Variants in PBRM1 observed in about 807,000 individuals in gnomAD.
PBRM1 encodes polybromo 1, also known as protein polybromo-1.
PBRM1 carries 27 observed loss-of-function variants against 194.5 expected under a neutral mutation model. The observed-to-expected ratio is 0.14, with a 90% confidence interval of 0.10 to 0.19. PBRM1 has a LOEUF of 0.19. Ranked by LOEUF, PBRM1 falls within the 10% of genes least tolerant of loss-of-function variation. PBRM1 has a pLI of 1.00. For synonymous variants in PBRM1, 655 were observed against 693.2 expected (o/e 0.94, Z 0.87); for missense variants, 1,466 against 2,077.2 (o/e 0.71, Z 5.72).
Position 52,599,923 on chromosome 3 carries a change from T to G in PBRM1, c.2779+3598A>C, listed in dbSNP as rs544716439. On this transcript the variant is annotated intron_variant, in intron 17 of 29. Transcript: ENST00000296302. ...TAACATTTCATGGATGTATTATTTT[T>G]AAATACATTTTAAAATTGTGATAAA... Among the ~76,000 whole-genome samples the G allele has an allele frequency of 7.3e-4, 111 of 152,276 alleles. 1 individual carries two copies. The highest frequency in any genetic ancestry group is 2.3e-3 in the African/African-American group (94 of 41,580).
At chr3:52,642,495 A>G (rs2096130517) in intron 9 of PBRM1, among the ~76,000 whole-genome samples, 1 of 151,768 alleles carries the variant, frequency 6.6e-6, no homozygotes, top group South Asian at 2.1e-4. Context: ...AGGCACCTGT[A>G]ATCCCAGCTA....
chr3:52,564,056 T>A, exon 23 of PBRM1: 1 of 1,603,494 alleles, frequency 6.2e-7, no homozygotes. Context: ...TTACCTGAAG[T>A]AGTAAATTTC....
chr3:52,547,835 G>A, downstream of PBRM1: 2 of 424,970 alleles, frequency 4.7e-6, no homozygotes, highest in East Asian at 4.3e-5. Context: ...TTAAACGAAG[G>A]AAACATATGC....
exon 24 of PBRM1, chr3:52,563,284 T>A (rs770598673): frequency 3.7e-6 from 6 of 1,611,504 alleles, no homozygotes; most frequent in Non-Finnish European, 5.1e-6. Flanking sequence ...CACCTTCACC[T>A]GTGGGGGTGT....
intron 10 of PBRM1, among the ~76,000 whole-genome samples, chr3:52,639,511 G>C (rs2095984369): frequency 6.6e-6 from 1 of 151,640 alleles, no homozygotes; most frequent in Non-Finnish European, 1.5e-5. Context: ...AACCTCCCAG[G>C]CTCAAGTGAT....
At chr3:52,571,959 G>T (rs373253888) in intron 22 of PBRM1, among the ~76,000 whole-genome samples, 1 of 149,178 alleles carries the variant, frequency 6.7e-6, no homozygotes, top group Non-Finnish European at 1.5e-5. Context: ...GATTGCTTGC[G>T]CCCAGGAGTT....
chr3:52,601,770 G>A (rs59789322), intron 17 of PBRM1, among the ~76,000 whole-genome samples: 5,843 of 152,242 alleles, frequency 0.038, 380 homozygotes, highest in African/African-American at 0.13. Flanking sequence ...AATGGCAGCA[G>A]TGGATCGAGC....
At chr3:52,612,496 G>A (rs1361426447) in intron 15 of PBRM1, among the ~76,000 whole-genome samples, 1 of 152,090 alleles carries the variant, frequency 6.6e-6, no homozygotes, top group African/African-American at 2.4e-5. Flanking sequence ...AAGGAAGCAA[G>A]CCTGTCTAAC....
chr3:52,591,511 G>GTTT lies in PBRM1; in HGVS notation c.2780-2259_2780-2257dup, dbSNP rs57736913. ...TTGAGATAATGTAGTTTTTGTCTTTGTTTTTTTTTTTTTTTTTTTTTTTTT... is the reference window on the plus strand; with the variant it reads ...TTGAGATAATGTAGTTTTTGTCTTTGTTTTTTTTTTTTTTTTTTTTTTTTTTTT... On this transcript the variant is annotated intron_variant, in intron 17 of 29. Coordinates refer to ENST00000296302, the Ensembl canonical transcript of PBRM1. Among the ~76,000 whole-genome samples, 635 of 71,876 alleles carry GTTT rather than the reference G, an allele frequency of 8.8e-3. 4 individuals carry two copies. The highest frequency in any genetic ancestry group is 0.013 in the East Asian group (28 of 2,084). The allele number at this position is 71,876 out of a possible 152,430, so 47.2% of individuals were successfully genotyped here. A position where few individuals can be genotyped will look rare whatever the true frequency, so the allele number is the denominator to read the frequency against.
Position 52,624,894 on chromosome 3 carries a change from C to T in PBRM1, c.1541+2379G>A, listed in dbSNP as rs1316931805. 25 of 1,538,368 alleles carry T rather than the reference C, an allele frequency of 1.6e-5. No homozygotes were observed. Among genetic ancestry groups the T allele is most frequent in the Non-Finnish European group, 2.1e-5 (24 of 1,136,040 alleles). ...TGTTTATGCATAAAAAAGGACTGCACACCTGGATAGCCTCCTGAGACCCAA... is the reference window on the plus strand; with the variant it reads ...TGTTTATGCATAAAAAAGGACTGCATACCTGGATAGCCTCCTGAGACCCAA... On this transcript the variant is annotated intron_variant, in intron 13 of 29. Transcript: ENST00000296302.
At chr3:52,570,094 C>T (rs990592117) in intron 22 of PBRM1, among the ~76,000 whole-genome samples, 8 of 152,320 alleles carry the variant, frequency 5.3e-5, no homozygotes, top group Non-Finnish European at 1.0e-4. Context: ...GCCTCAGCCT[C>T]CCCAGTAGCT....
chr3:52,573,500 G>A (rs1158571487), intron 22 of PBRM1, among the ~76,000 whole-genome samples: 1 of 152,106 alleles, frequency 6.6e-6, no homozygotes, highest in East Asian at 1.9e-4. Context: ...CACCACGTTG[G>A]CCAGGCTGGT....
chr3:52,645,330 CTT>C (rs556861073), intron 7 of PBRM1, among the ~76,000 whole-genome samples: 17 of 141,186 alleles, frequency 1.2e-4, no homozygotes, highest in Middle Eastern at 3.6e-3. Context: ...TTCTTTCTTT[CTT>C]TTTTTTTTTT....
At chr3:52,571,044 G>C in intron 22 of PBRM1, among the ~76,000 whole-genome samples, 1 of 151,992 alleles carries the variant, frequency 6.6e-6, no homozygotes, top group Non-Finnish European at 1.5e-5. Context: ...TTTATTCCTG[G>C]CTGGGTGCCA....
At chr3:52,584,417 T>C (rs2091991087) in intron 20 of PBRM1, among the ~76,000 whole-genome samples, 1 of 151,206 alleles carries the variant, frequency 6.6e-6, no homozygotes, top group Admixed American at 6.6e-5. Context: ...TTTCAGTTAA[T>C]TTCCCCCAAT....
At chr3:52,613,244 AAAG>A (rs1461440727) in intron 15 of PBRM1, among the ~76,000 whole-genome samples, 2 of 152,330 alleles carry the variant, frequency 1.3e-5, no homozygotes, top group South Asian at 2.1e-4. Flanking sequence ...TAATTTAGGA[AAAG>A]AAGAAGAAAA....
intron 2 of PBRM1, among the ~76,000 whole-genome samples, chr3:52,668,872 G>A (rs2096893873): frequency 6.6e-6 from 1 of 151,362 alleles, no homozygotes; most frequent in Non-Finnish European, 1.5e-5. Flanking sequence ...ATACGTTAAT[G>A]ATATAAAAAC....
At chr3:52,631,193 A>G (rs1398187276) in intron 11 of PBRM1, among the ~76,000 whole-genome samples, 3 of 152,168 alleles carry the variant, frequency 2.0e-5, no homozygotes, top group Non-Finnish European at 1.5e-5. Flanking sequence ...GATCAACGTC[A>G]GGCGTGGTGA....
At chr3:52,598,256 T>TAA (rs1276873431) in intron 17 of PBRM1, among the ~76,000 whole-genome samples, 1 of 152,220 alleles carries the variant, frequency 6.6e-6, no homozygotes. Context: ...GGCAATAACT[T>TAA]AGTGTTGTGC....
Sources: allele counts gnomAD v4.1 joint callset (sites outside exome capture counted in the v4.1 genomes callset), GRCh38; gene constraint gnomAD v4.1.1; transcripts MANE v1.5; gene names NCBI Gene and HGNC (gene_info 2026-07-23, HGNC 2026-07-21).